The following DLG2 variants were observed in gnomAD, a reference collection of about 807,000 sequenced individuals.
DLG2 encodes discs large MAGUK scaffold protein 2.
A neutral mutation model predicts 132.5 loss-of-function variants in DLG2; 45 were observed. That is an observed-to-expected ratio of 0.34 (90% CI 0.27 to 0.44). The LOEUF is 0.44. Among genes scored for constraint, DLG2 ranks in the 20% least tolerant of loss-of-function variants. DLG2 has a pLI of 1.00. For missense variants in DLG2, 1,045 were observed against 1,196.9 expected, an observed-to-expected ratio of 0.87 and a Z score of 1.87; for synonymous variants, 424 against 419.6, an observed-to-expected ratio of 1.01 and a Z score of -0.13.
chr11:85,273,388 G>T (rs959470012), intron 4 of DLG2, among the ~76,000 whole-genome samples: 1 of 151,892 alleles, frequency 6.6e-6, no homozygotes, highest in African/African-American at 2.4e-5. Flanking sequence ...AATCTACAAA[G>T]AACTTAAAAA....
At chr11:83,864,531 G>A (rs1228654706) in intron 16 of DLG2, among the ~76,000 whole-genome samples, 2 of 152,128 alleles carry the variant, frequency 1.3e-5, no homozygotes, top group Non-Finnish European at 2.9e-5. Flanking sequence ...TAATAAGCAG[G>A]AGCCTTTACC....
chr11:83,704,676 T>A (rs113938918), intron 18 of DLG2, among the ~76,000 whole-genome samples: 2,110 of 104,908 alleles, frequency 0.02, 24 homozygotes, highest in African/African-American at 0.037. Context: ...AAAAAAAAAA[T>A]ATTAGCTGGG....
chr11:83,576,959 T>A (rs1432461310), intron 19 of DLG2, among the ~76,000 whole-genome samples: 1 of 152,178 alleles, frequency 6.6e-6, no homozygotes, highest in East Asian at 1.9e-4. Flanking sequence ...CTTGATTGGA[T>A]TGAAGGATAC....
intron 14 of DLG2, among the ~76,000 whole-genome samples, chr11:83,953,742 T>C (rs181660259): frequency 6.6e-6 from 1 of 152,354 alleles, no homozygotes; most frequent in East Asian, 1.9e-4. Context: ...AGACCATGTC[T>C]ATTTTCTTGA....
intron 9 of DLG2, among the ~76,000 whole-genome samples, chr11:84,138,112 C>A (rs772800748): frequency 1.1e-4 from 17 of 152,168 alleles, no homozygotes; most frequent in Non-Finnish European, 2.4e-4. Flanking sequence ...CAGTTCAAAT[C>A]TCAGCTCTCC....
At chr11:83,738,854 C>T (rs112808068) in intron 18 of DLG2, among the ~76,000 whole-genome samples, 24 of 152,174 alleles carry the variant, frequency 1.6e-4, no homozygotes, top group African/African-American at 4.8e-4. Flanking sequence ...TTGCTTTATT[C>T]CTATCCATCT....
intron 18 of DLG2, among the ~76,000 whole-genome samples, chr11:83,768,207 G>GATGATATAA (rs2094223627): frequency 6.6e-6 from 1 of 151,990 alleles, no homozygotes. Flanking sequence ...TATAACCTCA[G>GATGATATAA]CAACATCTTT....
chr11:84,857,635 C>T (rs2212970), intron 6 of DLG2, among the ~76,000 whole-genome samples: 48,615 of 151,856 alleles, frequency 0.32, 8,067 homozygotes, highest in Middle Eastern at 0.36. Context: ...ACATATTCTT[C>T]ATACTTTATT....
intron 7 of DLG2, among the ~76,000 whole-genome samples, chr11:84,398,688 C>G: frequency 6.6e-6 from 1 of 152,148 alleles, no homozygotes. Context: ...CCAAAATAAA[C>G]CACACACTCC....
chr11:84,866,941 A>G (rs1169155273), intron 6 of DLG2, among the ~76,000 whole-genome samples: 2 of 152,218 alleles, frequency 1.3e-5, no homozygotes, highest in African/African-American at 4.8e-5. Context: ...TTTTAAAGGC[A>G]GGGGCCATAG....
chr11:85,083,579 GCA>G (rs1201664625), intron 6 of DLG2, among the ~76,000 whole-genome samples: 1 of 152,146 alleles, frequency 6.6e-6, no homozygotes, highest in Admixed American at 6.5e-5. Context: ...CATGTAGGAT[GCA>G]CAGTGACTTG....
intron 7 of DLG2, among the ~76,000 whole-genome samples, chr11:84,447,505 C>T (rs2099038811): frequency 6.6e-6 from 1 of 152,070 alleles, no homozygotes; most frequent in African/African-American, 2.4e-5. Flanking sequence ...GTTTTCTCCC[C>T]TTTTATGCCA....
chr11:85,536,901 A>G (rs938295549), intron 3 of DLG2, among the ~76,000 whole-genome samples: 7 of 152,212 alleles, frequency 4.6e-5, no homozygotes, highest in African/African-American at 1.4e-4. Flanking sequence ...TAGGTGCCGC[A>G]AAGTCCCACA....
chr11:84,863,357 G>C (rs956799978), intron 6 of DLG2, among the ~76,000 whole-genome samples: 2 of 152,038 alleles, frequency 1.3e-5, no homozygotes, highest in Admixed American at 6.6e-5. Context: ...ATAAACCTCT[G>C]TATTATCTTC....
intron 19 of DLG2, among the ~76,000 whole-genome samples, chr11:83,587,012 T>C (rs11601827): frequency 0.048 from 7,270 of 152,276 alleles, 491 homozygotes; most frequent in African/African-American, 0.15. Flanking sequence ...TCCTGACTCC[T>C]CTTCTTCTAG....
In DLG2 at chr11:84,766,201, C is replaced by A. The variant is rs189022414; in HGVS notation, c.358-231470G>T. On this transcript the variant is annotated intron_variant, in intron 6 of 27. Transcript: ENST00000376104. The stretch of plus-strand genomic sequence containing the variant: ...ACTGATCCCTATCAAATTGTAGTGT[C>A]ATTTTAGCCTTCACAAGTGCAAAGA... Among the ~76,000 whole-genome samples the A allele has an allele frequency of 4.6e-5, 7 of 152,110 alleles. No individual in the cohort carries two copies. The South Asian group carries it at 1.2e-3, about 27-fold the overall frequency.
chr11:85,164,078 G>T (rs1260358742), intron 4 of DLG2, among the ~76,000 whole-genome samples: 2 of 152,086 alleles, frequency 1.3e-5, no homozygotes, highest in Non-Finnish European at 2.9e-5. Flanking sequence ...AAGGTGAGGG[G>T]AAGAAATGTA....
At chr11:83,857,817 C>CTTTTTTTT (rs34112412) in intron 16 of DLG2, among the ~76,000 whole-genome samples, 1 of 145,388 alleles carries the variant, frequency 6.9e-6, no homozygotes. Flanking sequence ...ATTTTCTGCT[C>CTTTTTTTT]TTTTTTTTTT....
At chr11:84,095,183 ACAG>A (rs1303025244) in intron 10 of DLG2, among the ~76,000 whole-genome samples, 2 of 152,142 alleles carry the variant, frequency 1.3e-5, no homozygotes, top group African/African-American at 4.8e-5. Flanking sequence ...AAGAAAAGGA[ACAG>A]AGGCAAGAGG....
Sources: allele counts gnomAD v4.1 joint callset (sites outside exome capture counted in the v4.1 genomes callset), GRCh38; gene constraint gnomAD v4.1.1; transcripts MANE v1.5; gene names NCBI Gene and HGNC (gene_info 2026-07-23, HGNC 2026-07-21).